The following TPD52L1 variants were observed in gnomAD, a reference collection of about 807,000 sequenced individuals.
TPD52L1 encodes tumor protein D53.
Under a neutral mutation model 28.7 loss-of-function variants are expected in TPD52L1, and 18 were observed. The observed-to-expected ratio is 0.63, with a 90% confidence interval of 0.43 to 0.93. The LOEUF is 0.93. Ranked by LOEUF, TPD52L1 falls within the 40% of genes least tolerant of loss-of-function variation. TPD52L1 has a pLI of 0.00. For missense variants in TPD52L1, 203 were observed against 254.8 expected (o/e 0.80, Z 1.39); for synonymous variants, 75 against 88.8 (o/e 0.84, Z 0.88).
At chr6:125,241,439 T>C (rs79401603) in intron 3 of TPD52L1, among the ~76,000 whole-genome samples, 2,880 of 152,118 alleles carry the variant, frequency 0.019, 98 homozygotes, top group African/African-American at 0.065. Context: ...GCTGTGAATG[T>C]ATATGGCCCT....
intron 3 of TPD52L1, among the ~76,000 whole-genome samples, chr6:125,243,156 T>A (rs1326291012): frequency 6.6e-6 from 1 of 152,200 alleles, no homozygotes; most frequent in Non-Finnish European, 1.5e-5. Context: ...GCTTGTAAGA[T>A]TTCTGCTGAT....
At chr6:125,210,874 C>T (rs895745542) in intron 1 of TPD52L1, among the ~76,000 whole-genome samples, 1 of 152,158 alleles carries the variant, frequency 6.6e-6, no homozygotes, top group African/African-American at 2.4e-5. Context: ...TCAACTATCA[C>T]AGTTACAAAG....
intron 3 of TPD52L1, among the ~76,000 whole-genome samples, chr6:125,238,582 A>T (rs1169794255): frequency 6.6e-6 from 1 of 151,672 alleles, no homozygotes; most frequent in Non-Finnish European, 1.5e-5. Flanking sequence ...CTTAGTTCCC[A>T]CTTAGAAATG....
chr6:125,204,986 C>T (rs924149493), intron 1 of TPD52L1, among the ~76,000 whole-genome samples: 2 of 152,148 alleles, frequency 1.3e-5, no homozygotes, highest in Admixed American at 6.5e-5. Context: ...TATTAAGTCA[C>T]CTAACTCTTT....
intron 1 of TPD52L1, among the ~76,000 whole-genome samples, chr6:125,195,850 A>G (rs1025062355): frequency 6.6e-6 from 1 of 152,166 alleles, no homozygotes; most frequent in Non-Finnish European, 1.5e-5. Flanking sequence ...CAGTCACTCC[A>G]TCACAGTGCC....
At chr6:125,188,622 C>T (rs955317056) in intron 1 of TPD52L1, among the ~76,000 whole-genome samples, 2 of 152,100 alleles carry the variant, frequency 1.3e-5, no homozygotes, top group African/African-American at 4.8e-5. Flanking sequence ...TTATTATATG[C>T]ATTCCAAACA....
chr6:125,214,697 G>A (rs1273069851), intron 1 of TPD52L1, among the ~76,000 whole-genome samples: 2 of 152,146 alleles, frequency 1.3e-5, no homozygotes, highest in Non-Finnish European at 2.9e-5. Flanking sequence ...ACTGGCAGAT[G>A]GATGCCTTAG....
intron 3 of TPD52L1, among the ~76,000 whole-genome samples, chr6:125,244,816 C>T (rs1026619783): frequency 6.6e-6 from 1 of 152,148 alleles, no homozygotes; most frequent in Admixed American, 6.5e-5. Flanking sequence ...CTACTGTGCC[C>T]AGCACTGCAA....
At chr6:125,180,980 C>A (rs1203621349) in intron 1 of TPD52L1, among the ~76,000 whole-genome samples, 2 of 151,990 alleles carry the variant, frequency 1.3e-5, no homozygotes, top group African/African-American at 4.8e-5. Flanking sequence ...TGCTCTTGTG[C>A]AGATTACAAA....
At chr6:125,240,834 T>G (rs928780572) in intron 3 of TPD52L1, among the ~76,000 whole-genome samples, 1 of 152,162 alleles carries the variant, frequency 6.6e-6, no homozygotes, top group African/African-American at 2.4e-5. Flanking sequence ...TCTTGTCTGA[T>G]TGCTCTGGCT....
rs1795742299 is a variant in TPD52L1, at chr6:125,228,345, A to G, written c.136-773A>G. ...GTTAAAACTTACAAATTATACATAT[A>G]CACTTTAAATGTCTGCAGCTTATTG... is the stretch of plus-strand genomic sequence containing the variant. On this transcript the variant is annotated intron_variant, in intron 2 of 6. Coordinates refer to ENST00000534000, the MANE Select transcript of TPD52L1 (RefSeq NM_003287.4). 2.6e-5 allele frequency among the ~76,000 whole-genome samples: 4 copies of G among 152,240 alleles called. 1 individual carries two copies.
At chr6:125,243,409 A>T (rs933756804) in intron 3 of TPD52L1, among the ~76,000 whole-genome samples, 1 of 152,150 alleles carries the variant, frequency 6.6e-6, no homozygotes, top group Admixed American at 6.5e-5. Flanking sequence ...TTTCCAAACT[A>T]AAATTTTTCT....
At chr6:125,249,070 C>A (rs1340850950) in intron 4 of TPD52L1, among the ~76,000 whole-genome samples, 2 of 151,468 alleles carry the variant, frequency 1.3e-5, no homozygotes, top group Non-Finnish European at 2.9e-5. Context: ...AAAGTTCTCA[C>A]TGGAGGCACC....
intron 4 of TPD52L1, among the ~76,000 whole-genome samples, chr6:125,249,717 A>G (rs936124445): frequency 2.0e-5 from 3 of 151,016 alleles, no homozygotes; most frequent in Admixed American, 2.0e-4. Context: ...AAAAGAAGGA[A>G]AAGCTTTGAC....
intron 1 of TPD52L1, among the ~76,000 whole-genome samples, chr6:125,216,466 A>G (rs559841938): frequency 6.7e-6 from 1 of 149,884 alleles, no homozygotes; most frequent in Non-Finnish European, 1.5e-5. Context: ...ACACGAAAAG[A>G]TATTCATAAT....
chr6:125,256,326 G>A (rs1274502027), intron 5 of TPD52L1, among the ~76,000 whole-genome samples: 1 of 151,980 alleles, frequency 6.6e-6, no homozygotes, highest in African/African-American at 2.4e-5. Flanking sequence ...TTCCAGCCTG[G>A]GTGACAGAAC....
At chr6:125,262,058 T>G (rs1298289737) in intron 6 of TPD52L1, 1 of 152,196 alleles carries the variant, frequency 6.6e-6, no homozygotes, top group African/African-American at 2.4e-5. Context: ...GAAGGAGAAG[T>G]GCTGAACAAA....
At chr6:125,249,463 G>C (rs188481339) in intron 4 of TPD52L1, among the ~76,000 whole-genome samples, 20 of 151,826 alleles carry the variant, frequency 1.3e-4, no homozygotes, top group African/African-American at 4.6e-4. Context: ...TGGATCCCTT[G>C]AGGTCAGGAG....
intron 1 of TPD52L1, among the ~76,000 whole-genome samples, chr6:125,189,298 C>T (rs1792875593): frequency 6.6e-6 from 1 of 152,162 alleles, no homozygotes; most frequent in South Asian, 2.1e-4. Flanking sequence ...ATCAGTTGTA[C>T]ACTATTCTAA....
Sources: gnomAD v4.1 joint callset for allele counts (sites outside exome capture counted in the v4.1 genomes callset) on GRCh38, gnomAD v4.1.1 for gene constraint, MANE v1.5 for transcripts, NCBI Gene and HGNC (gene_info 2026-07-23, HGNC 2026-07-21) for gene names.